Variants in CLYBL observed in about 807,000 individuals in gnomAD.
CLYBL encodes the protein citramalyl-CoA lyase, mitochondrial.
A neutral mutation model predicts 38.9 loss-of-function variants in CLYBL; 31 were observed. The observed-to-expected ratio is 0.80, with a 90% CI of 0.60 to 1.08. CLYBL has a LOEUF of 1.08. CLYBL is among the 50% of genes least tolerant of loss of function. The pLI is 0.00. For synonymous variants in CLYBL, 171 were observed against 158.6 expected, an observed-to-expected ratio of 1.08 and a Z score of -0.59; for missense variants, 434 against 411.6, an observed-to-expected ratio of 1.05 and a Z score of -0.47.
chr13:99,735,919 A>T (rs2048658568), intron 1 of CLYBL, among the ~76,000 whole-genome samples: 2 of 152,164 alleles, frequency 1.3e-5, no homozygotes, highest in Non-Finnish European at 2.9e-5. Context: ...ATTTCAGTTA[A>T]TACAAAATAT....
At chr13:99,803,217 T>C (rs2050169706) in intron 2 of CLYBL, among the ~76,000 whole-genome samples, 1 of 152,232 alleles carries the variant, frequency 6.6e-6, no homozygotes, top group Non-Finnish European at 1.5e-5. Flanking sequence ...TTCTTTCCTC[T>C]TAAGAGAAGG....
chr13:99,871,805 C>A (rs1015896769), intron 7 of CLYBL, among the ~76,000 whole-genome samples: 1 of 151,990 alleles, frequency 6.6e-6, no homozygotes, highest in African/African-American at 2.4e-5. Flanking sequence ...GCAATAATAC[C>A]GTTTGCCTCT....
rs1269927694 is a variant in CLYBL, at chr13:99,865,225, T to C, written c.634+314T>C. On this transcript the variant is annotated intron_variant, in intron 5 of 8. Coordinates refer to ENST00000339105, the MANE Select transcript of CLYBL (RefSeq NM_206808.5). The surrounding 1 kb of genome is among the most constrained non-coding windows in gnomAD (Gnocchi z 4.7). ...TCCTTTGCTCCTAATAAATATATTA[T>C]GTGAACAGCCTCACCGTTGCTTCAG... is the stretch of plus-strand genomic sequence containing the variant. 3 of 370,498 alleles carry C rather than the reference T, an allele frequency of 8.1e-6. No individual in the cohort carries two copies. The highest frequency in any genetic ancestry group is 6.6e-5 in the South Asian group (3 of 45,394). 23.0% of individuals were successfully genotyped at this position (370,498 alleles called of 1,614,324 possible). A position where few individuals can be genotyped will look rare whatever the true frequency, so the allele number is the denominator to read the frequency against.
At chr13:99,800,417 C>A (rs2050108844) in intron 2 of CLYBL, among the ~76,000 whole-genome samples, 1 of 152,172 alleles carries the variant, frequency 6.6e-6, no homozygotes, top group Non-Finnish European at 1.5e-5. Flanking sequence ...CAGGCCCCAA[C>A]AAATGGAGCC....
downstream of CLYBL, among the ~76,000 whole-genome samples, chr13:99,901,637 AT>A (rs1413984777): frequency 1.5e-5 from 1 of 65,440 alleles, no homozygotes; most frequent in African/African-American, 5.7e-5. Context: ...GGTTTTTTGG[AT>A]TTTTTTGTTT....
In CLYBL at chr13:99,703,530, C is replaced by T. The variant is rs191633668; in HGVS notation, c.63-69294C>T. Among the ~76,000 whole-genome samples the T allele has an allele frequency of 5.6e-3, 846 of 152,172 alleles. 5 individuals carry two copies. The highest frequency in any genetic ancestry group is 0.021 in the Middle Eastern group (6 of 292). On this transcript the variant is annotated intron_variant, in intron 1 of 8. Transcript: ENST00000339105. ...GACTATAGGCACATGCCACCATGCCCAGCTAATTTTTTGTATTTTTAGTAG... is the reference window on the plus strand; with the variant it reads ...GACTATAGGCACATGCCACCATGCCTAGCTAATTTTTTGTATTTTTAGTAG...
chr13:99,663,092 G>C (rs1456738991), intron 1 of CLYBL, among the ~76,000 whole-genome samples: 1 of 152,224 alleles, frequency 6.6e-6, no homozygotes, highest in Non-Finnish European at 1.5e-5. Context: ...CATTTGCCAA[G>C]GAATATGCTG....
intron 2 of CLYBL, among the ~76,000 whole-genome samples, chr13:99,807,444 G>A (rs933553535): frequency 2.9e-4 from 44 of 152,132 alleles, no homozygotes; most frequent in African/African-American, 1.0e-3. Context: ...CTAGGTGCCC[G>A]CTCACAGATG....
intron 7 of CLYBL, among the ~76,000 whole-genome samples, chr13:99,872,994 AC>A (rs2051947604): frequency 6.6e-6 from 1 of 151,964 alleles, no homozygotes; most frequent in Non-Finnish European, 1.5e-5. Flanking sequence ...ATAAGCTCTC[AC>A]AACAGTGTGG....
chr13:99,780,001 A>G (rs2049606805), intron 2 of CLYBL, among the ~76,000 whole-genome samples: 1 of 152,156 alleles, frequency 6.6e-6, no homozygotes, highest in Non-Finnish European at 1.5e-5. Flanking sequence ...CTATTAGACC[A>G]AGCCTGTTAA....
At chr13:99,696,461 C>T (rs1047916291) in intron 1 of CLYBL, among the ~76,000 whole-genome samples, 1 of 151,988 alleles carries the variant, frequency 6.6e-6, no homozygotes, top group Non-Finnish European at 1.5e-5. Flanking sequence ...AACTCCTGGG[C>T]TCCAGCAATC....
At chr13:99,734,905 T>C (rs1242194308) in intron 1 of CLYBL, among the ~76,000 whole-genome samples, 4 of 152,186 alleles carry the variant, frequency 2.6e-5, no homozygotes, top group Non-Finnish European at 5.9e-5. Context: ...AGTAGAACTA[T>C]ATTACTATAA....
intron 1 of CLYBL, among the ~76,000 whole-genome samples, chr13:99,617,393 T>C (rs2046727813): frequency 6.6e-6 from 1 of 152,326 alleles, no homozygotes; most frequent in African/African-American, 2.4e-5. Context: ...TTGGAAGTAG[T>C]GCAGGCTTGT....
intron 1 of CLYBL, among the ~76,000 whole-genome samples, chr13:99,646,679 ATTTTTT>A (rs1176000168): frequency 3.1e-5 from 4 of 128,858 alleles, no homozygotes; most frequent in African/African-American, 1.2e-4. Flanking sequence ...CACCTGGCTA[ATTTTTT>A]TTTTTTTTTT....
intron 1 of CLYBL, among the ~76,000 whole-genome samples, chr13:99,697,514 C>T (rs766043595): frequency 2.0e-4 from 30 of 151,854 alleles, no homozygotes; most frequent in East Asian, 1.2e-3. Flanking sequence ...ATTACAGGCA[C>T]GTGCCACCAC....
intron 1 of CLYBL, among the ~76,000 whole-genome samples, chr13:99,770,080 C>CTTTTTTTTTT: frequency 9.7e-6 from 1 of 103,182 alleles, no homozygotes; most frequent in Non-Finnish European, 1.9e-5. Context: ...TCTTTTCTTT[C>CTTTTTTTTTT]TTTTTTTTTT....
intron 1 of CLYBL, among the ~76,000 whole-genome samples, chr13:99,628,351 GTTTC>G (rs1297049759): frequency 6.6e-6 from 1 of 152,186 alleles, no homozygotes; most frequent in Non-Finnish European, 1.5e-5. Flanking sequence ...CTTACTCTCG[GTTTC>G]TTTAAGTGAT....
chr13:99,613,052 A>T (rs1187757566), intron 1 of CLYBL, among the ~76,000 whole-genome samples: 1 of 138,682 alleles, frequency 7.2e-6, no homozygotes, highest in Admixed American at 7.2e-5. Flanking sequence ...TAATAATAAT[A>T]ATAATAATAA....
Position 99,881,327 on chromosome 13 carries a change from C to T in CLYBL, c.928-9991C>T, listed in dbSNP as rs545916583. ...TCAATTCAAAATATTATTAAAATAC[C>T]GATGAAATTATCACTACAATTTAAA... On this transcript the variant is annotated intron_variant, in intron 7 of 8. Coordinates refer to ENST00000339105, the MANE Select transcript of CLYBL (RefSeq NM_206808.5). 2.0e-3 allele frequency among the ~76,000 whole-genome samples: 302 copies of T among 152,186 alleles called. 2 individuals are homozygous for T. The highest frequency in any genetic ancestry group is 6.6e-3 in the African/African-American group (274 of 41,512).
Sources: gnomAD v4.1 joint callset for allele counts (sites outside exome capture counted in the v4.1 genomes callset) on GRCh38, gnomAD v4.1.1 for gene constraint, Gnocchi (gnomAD v3.1) non-coding constraint, MANE v1.5 for transcripts, NCBI Gene and HGNC (gene_info 2026-07-23, HGNC 2026-07-21) for gene names.